Variants in DLG2 observed in about 807,000 individuals in gnomAD.
DLG2 encodes the protein discs large MAGUK scaffold protein 2.
Under a neutral mutation model 132.5 loss-of-function variants are expected in DLG2, and 45 were observed. The ratio of observed to expected loss-of-function variants is 0.34; its 90% CI spans 0.27 to 0.44. The LOEUF is 0.44. Ranked by LOEUF, DLG2 falls within the 20% of genes least tolerant of loss-of-function variation. The pLI is 1.00. For missense variants in DLG2, 1,045 were observed against 1,196.9 expected (o/e 0.87, Z 1.87); for synonymous variants, 424 against 419.6 (o/e 1.01, Z -0.13).
intron 4 of DLG2, among the ~76,000 whole-genome samples, chr11:85,201,011 G>A (rs1347654680): frequency 1.3e-5 from 2 of 151,856 alleles, no homozygotes; most frequent in African/African-American, 4.8e-5. Context: ...ATGAGAATAA[G>A]CTCTCCAGCC....
chr11:83,827,161 A>G (rs2053081019), intron 17 of DLG2, among the ~76,000 whole-genome samples: 1 of 152,166 alleles, frequency 6.6e-6, no homozygotes, highest in South Asian at 2.1e-4. Context: ...ACTTCAGGAA[A>G]TCGAAGAAAT....
intron 6 of DLG2, among the ~76,000 whole-genome samples, chr11:84,741,105 C>T (rs1381050191): frequency 1.3e-4 from 15 of 117,470 alleles, no homozygotes; most frequent in Non-Finnish European, 4.8e-5. Flanking sequence ...CTCGTTCTGT[C>T]GCCCAGGCGG....
intron 9 of DLG2, among the ~76,000 whole-genome samples, chr11:84,141,391 C>A (rs1485117621): frequency 6.6e-6 from 1 of 151,776 alleles, no homozygotes; most frequent in Admixed American, 6.6e-5. Flanking sequence ...CATATGCATA[C>A]ATATATTTGT....
chr11:85,521,785 A>T (rs1244550014), intron 3 of DLG2, among the ~76,000 whole-genome samples: 1 of 152,214 alleles, frequency 6.6e-6, no homozygotes, highest in Non-Finnish European at 1.5e-5. Flanking sequence ...TAGCAAAATG[A>T]CTGATGGCAT....
At position 84,250,352 on chromosome 11, in the gene DLG2, G is replaced by A. The variant is rs760617608; in HGVS notation, c.573+886C>T. 1.1e-3 allele frequency among the ~76,000 whole-genome samples: 167 copies of A among 152,278 alleles called. 2 individuals carry two copies. The highest frequency in any genetic ancestry group is 7.2e-4 in the Admixed American group (11 of 15,300). ...TGAGGCTGTGGGCTAAAACTGAGAA[G>A]AGCCAGTACTTACCAAGCACTTACT... is the stretch of plus-strand genomic sequence containing the variant. On this transcript the variant is annotated intron_variant, in intron 8 of 27. Transcript: ENST00000376104.
intron 3 of DLG2, among the ~76,000 whole-genome samples, chr11:85,513,496 AG>A (rs2094117684): frequency 6.6e-6 from 1 of 152,058 alleles, no homozygotes; most frequent in Non-Finnish European, 1.5e-5. Flanking sequence ...TGAACTTATC[AG>A]TTGAAACCTT....
At chr11:83,571,008 A>G (rs756740980) in intron 19 of DLG2, among the ~76,000 whole-genome samples, 7 of 151,980 alleles carry the variant, frequency 4.6e-5, no homozygotes, top group Non-Finnish European at 1.0e-4. Context: ...TCAGCCTCCC[A>G]AGTAGCCGGG....
chr11:83,676,431 T>C (rs1229971815), intron 18 of DLG2, among the ~76,000 whole-genome samples: 1 of 152,330 alleles, frequency 6.6e-6, no homozygotes, highest in East Asian at 1.9e-4. Flanking sequence ...TATGAGTATA[T>C]ATTCCCTTTG....
At chr11:84,213,961 T>C (rs1232650337) in intron 8 of DLG2, among the ~76,000 whole-genome samples, 2 of 151,534 alleles carry the variant, frequency 1.3e-5, no homozygotes, top group Non-Finnish European at 2.9e-5. Flanking sequence ...TATCATTTTA[T>C]ACATCACAAT....
chr11:84,475,918 G>C (rs1416661992), intron 7 of DLG2, among the ~76,000 whole-genome samples: 1 of 151,946 alleles, frequency 6.6e-6, no homozygotes, highest in Non-Finnish European at 1.5e-5. Flanking sequence ...TTGCAAAAAT[G>C]TGCCTTGTGA....
chr11:83,716,895 G>A (rs1298918642), intron 18 of DLG2, among the ~76,000 whole-genome samples: 4 of 151,966 alleles, frequency 2.6e-5, no homozygotes, highest in African/African-American at 4.8e-5. Flanking sequence ...CTGGAATTGC[G>A]TAGGCATGAA....
chr11:85,185,269 C>T (rs189776611), intron 4 of DLG2, among the ~76,000 whole-genome samples: 1 of 152,018 alleles, frequency 6.6e-6, no homozygotes, highest in Non-Finnish European at 1.5e-5. Flanking sequence ...ATTCTATCTG[C>T]TTTTTCTTTA....
intron 6 of DLG2, among the ~76,000 whole-genome samples, chr11:84,916,390 A>AAT (rs2092473182): frequency 6.7e-6 from 1 of 148,576 alleles, no homozygotes; most frequent in African/African-American, 2.5e-5. Context: ...GAAGCAGTAA[A>AAT]ATGGCATGGT....
At chr11:84,678,096 AT>A (rs1565637413) in intron 6 of DLG2, among the ~76,000 whole-genome samples, 1 of 152,010 alleles carries the variant, frequency 6.6e-6, no homozygotes, top group Non-Finnish European at 1.5e-5. Flanking sequence ...AAAAGACTCT[AT>A]GGAAAAGCAG....
chr11:85,135,361 A>T lies in DLG2; in HGVS notation c.282+19195T>A, dbSNP rs11822292. Reference sequence around the variant, plus strand: ...GTCTTTGTTAGTCATAGAGACAGTCAGAATGGAGACAATCAGGGGTTAGAC... The same window carrying T: ...GTCTTTGTTAGTCATAGAGACAGTCTGAATGGAGACAATCAGGGGTTAGAC... On this transcript the variant is annotated intron_variant, in intron 5 of 27. Coordinates refer to ENST00000376104, the MANE Select transcript of DLG2 (RefSeq NM_001142699.3). Among the ~76,000 whole-genome samples the T allele has an allele frequency of 9.1e-3, 1,384 of 152,356 alleles. 20 individuals are homozygous for T. The highest frequency in any genetic ancestry group is 0.03 in the African/African-American group (1,249 of 41,578).
chr11:84,366,574 A>G (rs368426460), intron 7 of DLG2, among the ~76,000 whole-genome samples: 15 of 152,088 alleles, frequency 9.9e-5, no homozygotes, highest in Admixed American at 2.0e-4. Flanking sequence ...CCCATCTCAC[A>G]TGCAGAGACA....
At chr11:84,985,991 C>CAAAAAAAAAAAA (rs71036455) in intron 6 of DLG2, among the ~76,000 whole-genome samples, 15 of 44,228 alleles carry the variant, frequency 3.4e-4, no homozygotes, top group South Asian at 2.4e-3. Context: ...GACTCCGTCT[C>CAAAAAAAAAAAA]AAAAAAAAAA....
chr11:84,021,027 A>T (rs2095374670), intron 11 of DLG2, among the ~76,000 whole-genome samples: 1 of 152,194 alleles, frequency 6.6e-6, no homozygotes, highest in Non-Finnish European at 1.5e-5. Context: ...CAATATAGAA[A>T]GGGTATAGAA....
intron 6 of DLG2, among the ~76,000 whole-genome samples, chr11:84,848,934 A>G (rs1401874087): frequency 6.6e-6 from 1 of 152,210 alleles, no homozygotes; most frequent in African/African-American, 2.4e-5. Flanking sequence ...TAATCAATAT[A>G]CATAACAGAG....
Sources: allele counts gnomAD v4.1 joint callset (sites outside exome capture counted in the v4.1 genomes callset), GRCh38; gene constraint gnomAD v4.1.1; transcripts MANE v1.5; gene names NCBI Gene and HGNC (gene_info 2026-07-23, HGNC 2026-07-21).